The following MAGI2 variants were observed in gnomAD, a reference collection of about 807,000 sequenced individuals.
MAGI2 encodes the protein membrane associated guanylate kinase, WW and PDZ domain containing 2.
MAGI2 carries 35 observed loss-of-function variants against 133.3 expected under a neutral mutation model. The ratio of observed to expected loss-of-function variants is 0.26; its 90% confidence interval spans 0.20 to 0.35. The LOEUF (loss-of-function observed/expected upper bound fraction) is 0.35, where lower values mean the gene tolerates loss of function less well. MAGI2 is among the 10% of genes least tolerant of loss of function. MAGI2 has a pLI of 1.00. For missense variants in MAGI2, 1,636 were observed against 1,863.4 expected (o/e 0.88, Z 2.25); for synonymous variants, 729 against 710.6 (o/e 1.03, Z -0.41).
chr7:78,882,682 G>T (rs1795968224), intron 2 of MAGI2, among the ~76,000 whole-genome samples: 1 of 152,058 alleles, frequency 6.6e-6, no homozygotes, highest in Admixed American at 6.6e-5. Flanking sequence ...GCTTTATTCT[G>T]GGATGCAAGG....
At chr7:78,192,630 T>G (rs780552274) in intron 12 of MAGI2, among the ~76,000 whole-genome samples, 53 of 151,850 alleles carry the variant, frequency 3.5e-4, no homozygotes, top group Non-Finnish European at 6.8e-4. Flanking sequence ...GTTTCCTTAA[T>G]CTTCAGTGGT....
intron 11 of MAGI2, among the ~76,000 whole-genome samples, chr7:78,200,326 C>A (rs1829123885): frequency 6.6e-6 from 1 of 152,190 alleles, no homozygotes; most frequent in African/African-American, 2.4e-5. Context: ...AATCTATCTG[C>A]AAGTGAAGAC....
At chr7:78,324,150 CT>C (rs879794306) in intron 9 of MAGI2, among the ~76,000 whole-genome samples, 2,598 of 131,462 alleles carry the variant, frequency 0.02, 47 homozygotes, top group African/African-American at 0.044. Flanking sequence ...CTACACTACA[CT>C]ACACACTACA....
chr7:78,705,183 G>A (rs781488091), intron 2 of MAGI2, among the ~76,000 whole-genome samples: 19 of 152,134 alleles, frequency 1.2e-4, no homozygotes, highest in Non-Finnish European at 1.8e-4. Context: ...GGGACCTGAT[G>A]GGAGATGATT....
intron 9 of MAGI2, among the ~76,000 whole-genome samples, chr7:78,281,077 C>T (rs906525569): frequency 3.9e-5 from 6 of 152,000 alleles, no homozygotes; most frequent in African/African-American, 1.4e-4. Flanking sequence ...TTTTTCTAAT[C>T]TAAGCTCAAC....
chr7:78,716,530 A>G (rs1471478084), intron 2 of MAGI2, among the ~76,000 whole-genome samples: 1 of 152,192 alleles, frequency 6.6e-6, no homozygotes, highest in Non-Finnish European at 1.5e-5. Flanking sequence ...AGTGGCCTTT[A>G]GAGGGAAAAC....
intron 3 of MAGI2, chr7:78,616,735 G>C (rs963025341): frequency 7.9e-5 from 12 of 152,146 alleles, no homozygotes; most frequent in African/African-American, 2.9e-4. Flanking sequence ...CAAAGTATTG[G>C]CCTAGAGCCA....
intron 1 of MAGI2, among the ~76,000 whole-genome samples, chr7:79,047,763 C>A (rs376400127): frequency 2.0e-5 from 3 of 151,948 alleles, no homozygotes; most frequent in Non-Finnish European, 4.4e-5. Context: ...CTTATAATCC[C>A]TGATTATAAG....
In MAGI2 at chr7:78,127,247, G is replaced by A; in HGVS notation, c.3373C>T (p.His1125Tyr). 1 of 1,606,612 alleles carries A rather than the reference G, an allele frequency of 6.2e-7. No individual in the cohort carries two copies. The highest frequency in any genetic ancestry group is 8.5e-7 in the Non-Finnish European group (1 of 1,176,378). ...GGGTACTGCCTGGTGTCGGGGGAGTGCTGCCTGTAGTCCAGTAGGGGAGGC... is the reference window on the plus strand; with the variant it reads ...GGGTACTGCCTGGTGTCGGGGGAGTACTGCCTGTAGTCCAGTAGGGGAGGC... ...RQPPLLDYRQ[H>Y]SPDTRQYPLS... The change falls in exon 19 of 22, where the codon CAC (histidine) becomes TAC (tyrosine). Residue 1125 changes from histidine to tyrosine, a missense_variant. This residue lies in a region of MAGI2 where 920 missense variants were observed against 1,093.5 expected (regional missense o/e 0.84). Transcript: ENST00000354212.
intron 1 of MAGI2, among the ~76,000 whole-genome samples, chr7:79,028,107 C>T (rs1810082353): frequency 6.6e-6 from 1 of 150,784 alleles, no homozygotes. Flanking sequence ...AACTACTCAG[C>T]AGGCTGAGGC....
chr7:78,624,554 C>T (rs1471442586), intron 3 of MAGI2, among the ~76,000 whole-genome samples: 1 of 152,040 alleles, frequency 6.6e-6, no homozygotes, highest in Non-Finnish European at 1.5e-5. Flanking sequence ...GAACAGAAAA[C>T]CCAACACTGC....
intron 4 of MAGI2, among the ~76,000 whole-genome samples, chr7:78,503,560 C>CCCTCCCCCTCCCCCTCCCCCTCCT (rs1794811887): frequency 2.5e-5 from 1 of 39,490 alleles, no homozygotes. Flanking sequence ...CTCCATCTCC[C>CCCTCCCCCTCCCCCTCCCCCTCCT]CCTCCCCCTC....
At chr7:79,162,510 T>TGCAAATCA (rs1217573476) in intron 1 of MAGI2, among the ~76,000 whole-genome samples, 1 of 152,014 alleles carries the variant, frequency 6.6e-6, no homozygotes, top group Non-Finnish European at 1.5e-5. Context: ...GGTCAAACCC[T>TGCAAATCA]GCAAATCAAG....
At chr7:78,499,240 C>G (rs925495892) in intron 5 of MAGI2, among the ~76,000 whole-genome samples, 11 of 152,184 alleles carry the variant, frequency 7.2e-5, no homozygotes, top group African/African-American at 2.7e-4. Flanking sequence ...AATGACAGCT[C>G]CCATACCTGG....
intron 2 of MAGI2, among the ~76,000 whole-genome samples, chr7:78,942,303 A>G (rs945538274): frequency 6.6e-6 from 1 of 152,090 alleles, no homozygotes; most frequent in Non-Finnish European, 1.5e-5. Flanking sequence ...CTAAAATAGA[A>G]AGTTTATCCC....
chr7:79,441,320 T>G (rs1848480953), intron 1 of MAGI2, among the ~76,000 whole-genome samples: 1 of 152,200 alleles, frequency 6.6e-6, no homozygotes, highest in Non-Finnish European at 1.5e-5. Flanking sequence ...TGAAAAGATA[T>G]TCAACTGAAG....
intron 16 of MAGI2, among the ~76,000 whole-genome samples, chr7:78,142,991 A>G (rs1356462300): frequency 1.3e-5 from 2 of 152,202 alleles, no homozygotes; most frequent in African/African-American, 2.4e-5. Flanking sequence ...ATCTGGTCCC[A>G]CTAAGCCAAA....
chr7:78,465,950 T>C (rs965116781), intron 6 of MAGI2, among the ~76,000 whole-genome samples: 2 of 152,172 alleles, frequency 1.3e-5, no homozygotes, highest in African/African-American at 4.8e-5. Context: ...TAGATGAATG[T>C]TCAGCACCAA....
intron 10 of MAGI2, among the ~76,000 whole-genome samples, chr7:78,249,240 G>C (rs1792122914): frequency 6.6e-6 from 1 of 152,076 alleles, no homozygotes; most frequent in South Asian, 2.1e-4. Context: ...GTGGAGAAAA[G>C]GGAACCCTTG....
Sources: gnomAD v4.1 joint callset for allele counts (sites outside exome capture counted in the v4.1 genomes callset) on GRCh38, gnomAD v4.1.1 for gene constraint, gnomAD v4.1.1 regional missense constraint, MANE v1.5 for transcripts, NCBI Gene and HGNC (gene_info 2026-07-23, HGNC 2026-07-21) for gene names.